MOSMO: variants seen among roughly 807,000 people sequenced by gnomAD.
The protein encoded by MOSMO is modulator of smoothened protein.
A neutral mutation model predicts 18.4 loss-of-function variants in MOSMO; 5 were observed. That is an observed-to-expected ratio of 0.27 (90% CI 0.14 to 0.57). The LOEUF is 0.57. Among genes scored for constraint, MOSMO ranks in the 20% least tolerant of loss-of-function variants. The pLI is 0.92. For missense variants in MOSMO, 138 were observed against 211.8 expected (o/e 0.65, Z 2.16); for synonymous variants, 82 against 82.3 (o/e 1.00, Z 0.02).
Position 22,023,997 on chromosome 16 carries a change from T to TTATATA in MOSMO, c.106+15604_106+15609dup, listed in dbSNP as rs72336979. On this transcript the variant is annotated intron_variant, in intron 1 of 2. Transcript: ENST00000542527. ...ATGCTGCTATAGAATTTTGTACAAATTATATATATATATATATATTTTCTT... is the reference window on the plus strand; with the variant it reads ...ATGCTGCTATAGAATTTTGTACAAATTATATATATATATATATATATATATTTTCTT... Among the ~76,000 whole-genome samples the TTATATA allele has an allele frequency of 2.9e-4, 36 of 126,312 alleles. 2 individuals are homozygous for TTATATA. The highest frequency in any genetic ancestry group is 8.2e-4 in the South Asian group (3 of 3,658). 82.9% of individuals were successfully genotyped at this position (126,312 alleles called of 152,430 possible).
chr16:22,008,493 G>A, intron 1 of MOSMO, 86 bp downstream of exon 1: 1 of 978,464 alleles, frequency 1.0e-6, no homozygotes, highest in South Asian at 1.5e-5. Flanking sequence ...AGAGGACGGG[G>A]TGGAGGGTCC....
At chr16:22,019,991 A>G (rs530541181) in intron 1 of MOSMO, among the ~76,000 whole-genome samples, 25 of 152,128 alleles carry the variant, frequency 1.6e-4, no homozygotes, top group Non-Finnish European at 2.8e-4. Flanking sequence ...AGGCGGGCAG[A>G]TCAGCTGAGG....
chr16:22,009,518 C>T (rs889445819), intron 1 of MOSMO, among the ~76,000 whole-genome samples: 1 of 152,064 alleles, frequency 6.6e-6, no homozygotes, highest in African/African-American at 2.4e-5. Context: ...TCTCCCAGAC[C>T]TGTGAGACCA....
At chr16:22,076,442 TG>T (rs1900969386) in intron 2 of MOSMO, 1 of 152,208 alleles carries the variant, frequency 6.6e-6, no homozygotes. Context: ...GGGATGCTGG[TG>T]GGTAGAGGCA....
At chr16:22,038,357 A>G (rs757458818) in intron 1 of MOSMO, among the ~76,000 whole-genome samples, 16 of 152,212 alleles carry the variant, frequency 1.1e-4, no homozygotes, top group Non-Finnish European at 1.8e-4. Context: ...TGCAAGGGAT[A>G]GTGAGGTTAG....
chr16:22,074,118 G>A (rs531857528), intron 1 of MOSMO, among the ~76,000 whole-genome samples: 2 of 152,176 alleles, frequency 1.3e-5, no homozygotes, highest in African/African-American at 2.4e-5. Context: ...ACACGTGCAC[G>A]TGCACACACA....
chr16:22,043,969 G>C (rs544769085), intron 1 of MOSMO, among the ~76,000 whole-genome samples: 1 of 152,092 alleles, frequency 6.6e-6, no homozygotes, highest in Non-Finnish European at 1.5e-5. Flanking sequence ...AAGGTGAAAG[G>C]CCTGTCTTAC....
intron 1 of MOSMO, among the ~76,000 whole-genome samples, chr16:22,025,144 CTCTG>C (rs910758812): frequency 1.3e-5 from 2 of 149,716 alleles, no homozygotes; most frequent in Non-Finnish European, 3.0e-5. Context: ...TGGAACAAGA[CTCTG>C]TCTAAAAAAA....
chr16:22,048,534 C>T (rs1464150833), intron 1 of MOSMO, among the ~76,000 whole-genome samples: 1 of 152,084 alleles, frequency 6.6e-6, no homozygotes, highest in African/African-American at 2.4e-5. Flanking sequence ...TCTTAATTTG[C>T]ATTTCTTTAT....
chr16:22,050,881 T>G (rs1598013518), intron 1 of MOSMO, among the ~76,000 whole-genome samples: 1 of 126,468 alleles, frequency 7.9e-6, no homozygotes, highest in East Asian at 2.5e-4. Context: ...AGACTCTGTC[T>G]CTTAAGAAAA....
intron 1 of MOSMO, among the ~76,000 whole-genome samples, chr16:22,010,130 C>T (rs866996889): frequency 1.3e-5 from 2 of 152,298 alleles, no homozygotes; most frequent in Middle Eastern, 3.4e-3. Flanking sequence ...TTCCTCCTCC[C>T]TCCCTTCTCT....
intron 1 of MOSMO, among the ~76,000 whole-genome samples, chr16:22,009,804 CAAAAAAAAAAAAAAAAAAAAAA>C (rs56313303): frequency 5.6e-5 from 2 of 35,964 alleles, no homozygotes; most frequent in African/African-American, 2.6e-4. Flanking sequence ...ACTAAAAATA[CAAAAAAAAAAAAAAAAAAAAAA>C]AAAAAAAAAA....
At chr16:22,071,253 T>C (rs1900844663) in intron 1 of MOSMO, among the ~76,000 whole-genome samples, 1 of 152,170 alleles carries the variant, frequency 6.6e-6, no homozygotes, top group African/African-American at 2.4e-5. Flanking sequence ...GAGAGCATTG[T>C]CCGGAGGAGG....
At chr16:22,061,116 T>G (rs1371992636) in intron 1 of MOSMO, among the ~76,000 whole-genome samples, 9 of 152,198 alleles carry the variant, frequency 5.9e-5, no homozygotes, top group Non-Finnish European at 1.2e-4. Flanking sequence ...ACTGTTAGAA[T>G]GTAGATCTAC....
intron 1 of MOSMO, among the ~76,000 whole-genome samples, chr16:22,043,317 A>G (rs1900245274): frequency 6.6e-6 from 1 of 152,206 alleles, no homozygotes; most frequent in African/African-American, 2.4e-5. Context: ...GATGGTACCC[A>G]GCATTTTAGT....
intron 1 of MOSMO, among the ~76,000 whole-genome samples, chr16:22,048,233 G>A (rs544299397): frequency 1.1e-4 from 17 of 152,242 alleles, no homozygotes; most frequent in African/African-American, 2.6e-4. Flanking sequence ...TTCTTTATCC[G>A]TACATCTGTA....
intron 1 of MOSMO, among the ~76,000 whole-genome samples, chr16:22,026,278 G>A (rs181898754): frequency 6.7e-6 from 1 of 150,014 alleles, no homozygotes; most frequent in Admixed American, 6.7e-5. Context: ...GAGTGCTGTG[G>A]TGCGATTTTG....
At chr16:22,049,945 C>T (rs574274718) in intron 1 of MOSMO, among the ~76,000 whole-genome samples, 1 of 152,278 alleles carries the variant, frequency 6.6e-6, no homozygotes, top group South Asian at 2.1e-4. Context: ...TATTCCTGCA[C>T]CATTACTACA....
intron 1 of MOSMO, among the ~76,000 whole-genome samples, chr16:22,035,201 G>A (rs1900083673): frequency 6.6e-6 from 1 of 152,134 alleles, no homozygotes; most frequent in African/African-American, 2.4e-5. Context: ...GCCCTGGGCT[G>A]TGATCTTCAC....
Sources: allele counts gnomAD v4.1 joint callset (sites outside exome capture counted in the v4.1 genomes callset), GRCh38; gene constraint gnomAD v4.1.1; transcripts MANE v1.5; gene names NCBI Gene and HGNC (gene_info 2026-07-23, HGNC 2026-07-21).